The following PPM1G variants were observed in gnomAD, a reference collection of about 807,000 sequenced individuals.
PPM1G encodes protein phosphatase 1G.
Under a neutral mutation model 59.4 loss-of-function variants are expected in PPM1G, and 12 were observed. The observed-to-expected ratio is 0.20, with a 90% CI of 0.13 to 0.33. The LOEUF (loss-of-function observed/expected upper bound fraction) is 0.33, where lower values mean the gene tolerates loss of function less well. PPM1G is among the 10% of genes least tolerant of loss of function. PPM1G has a pLI of 1.00. For missense variants in PPM1G, 392 were observed against 681.3 expected, an observed-to-expected ratio of 0.58 and a Z score of 4.73; for synonymous variants, 245 against 251.9, an observed-to-expected ratio of 0.97 and a Z score of 0.26.
At chr2:27,395,848 A>G (rs1684039389) in intron 1 of PPM1G, among the ~76,000 whole-genome samples, 1 of 151,964 alleles carries the variant, frequency 6.6e-6, no homozygotes, top group African/African-American at 2.4e-5. Context: ...CTCAAAAAAA[A>G]AAAAAAAGAA....
chr2:27,393,414 G>C (rs753379366), intron 1 of PPM1G: 65 of 1,238,664 alleles, frequency 5.2e-5, no homozygotes, highest in Non-Finnish European at 7.0e-5. Flanking sequence ...GTGGCTACGC[G>C]GCGCTGGAGC....
rs368978877 is a variant in PPM1G at position 27,386,161 on chromosome 2, C to A, written c.276+33G>T. 56 of 1,569,212 alleles carry A rather than the reference C, an allele frequency of 3.6e-5. No individual in the cohort carries two copies. The African/African-American group carries it at 7.4e-4, about 21-fold the overall frequency. On this transcript the variant is annotated intron_variant, in intron 3 of 9. Transcript: ENST00000344034. ...CTAGAGAACAAGGGAAAAGCCTACA[C>A]AAGTGAGGAATGGGCGGTGTAAGCA...
chr2:27,392,745 G>GT (rs1200490807), intron 1 of PPM1G: 2 of 1,198,670 alleles, frequency 1.7e-6, no homozygotes, highest in African/African-American at 1.5e-5. Context: ...TGGTGACAAG[G>GT]TAAGTCACCC....
chr2:27,386,966 C>G, intron 2 of PPM1G, 123 bp downstream of exon 2: 1 of 704,866 alleles, frequency 1.4e-6, no homozygotes, highest in Non-Finnish European at 2.5e-6. Context: ...AAAACAGCAC[C>G]ACGCAGGAAA....
In PPM1G at chr2:27,387,562, G is replaced by A. The variant is rs181591539; in HGVS notation, c.121-404C>T. Among the ~76,000 whole-genome samples the A allele has an allele frequency of 1.8e-3, 271 of 151,996 alleles. 2 individuals carry two copies. Among genetic ancestry groups the A allele is most frequent in the African/African-American group, 6.2e-3 (256 of 41,448 alleles). ...GTCACCCAAGCTGGAGTGCAGTGGC[G>A]CGATCTTGGCTCACTGCAACCTCCG... On this transcript the variant is annotated intron_variant, in intron 1 of 9. Coordinates refer to ENST00000344034, the MANE Select transcript of PPM1G (RefSeq NM_177983.3).
rs897249357 is a variant in PPM1G, at chr2:27,385,210, C to G, written c.410-122G>C. 1.7e-6 allele frequency: 2 copies of G among 1,148,156 alleles called. No individual in the cohort carries two copies. Among genetic ancestry groups the G allele is most frequent in the South Asian group, 1.6e-5 (1 of 61,702 alleles). The allele number at this position is 1,148,156 out of a possible 1,614,324, so 71.1% of individuals were successfully genotyped here. A position where few individuals can be genotyped will look rare whatever the true frequency, so the allele number is the denominator to read the frequency against. On this transcript the variant is annotated intron_variant, in intron 4 of 9. Coordinates refer to ENST00000344034, the MANE Select transcript of PPM1G (RefSeq NM_177983.3). The surrounding 1 kb of genome is among the most constrained non-coding windows in gnomAD (Gnocchi z 4.1). ...CCACAACCTCCCACTCCCAAGGTTC[C>G]TCTCGCTCAAGTCTCAGAAGAACAT...
At chr2:27,399,081 A>C (rs908506578) in intron 1 of PPM1G, among the ~76,000 whole-genome samples, 1 of 152,076 alleles carries the variant, frequency 6.6e-6, no homozygotes, top group Admixed American at 6.6e-5. Flanking sequence ...CAGAGGTTGC[A>C]GTGAACCAAG....
chr2:27,397,123 C>T (rs1558320442), intron 1 of PPM1G, among the ~76,000 whole-genome samples: 2 of 152,094 alleles, frequency 1.3e-5, no homozygotes, highest in Non-Finnish European at 2.9e-5. Context: ...CCCGTCTTGG[C>T]CCCCCAAAGT....
At position 27,398,421 on chromosome 2, in the gene PPM1G, T is replaced by C. The variant is rs539912493; in HGVS notation, c.120+10882A>G. On this transcript the variant is annotated intron_variant, in intron 1 of 9. Coordinates refer to ENST00000344034, the MANE Select transcript of PPM1G (RefSeq NM_177983.3). ...CTTAGAAGAAAACCTAAGAGAAAAT[T>C]CTCGTGACTTTGGGTTAGGCAAAGC... Among the ~76,000 whole-genome samples the C allele has an allele frequency of 9.7e-4, 147 of 152,154 alleles. 1 individual carries two copies. The highest frequency in any genetic ancestry group is 3.4e-3 in the African/African-American group (143 of 41,544).
intron 1 of PPM1G, among the ~76,000 whole-genome samples, chr2:27,394,729 G>A (rs1238651417): frequency 1.5e-5 from 2 of 133,294 alleles, no homozygotes; most frequent in Admixed American, 7.9e-5. Context: ...GTGACAGAGT[G>A]AGACTCTGTC....
intron 1 of PPM1G, among the ~76,000 whole-genome samples, chr2:27,405,952 G>A (rs969008264): frequency 3.3e-5 from 5 of 151,996 alleles, no homozygotes; most frequent in Non-Finnish European, 5.9e-5. Context: ...GCAGTGAGCC[G>A]AGATCATGCC....
rs560311715 is a variant in PPM1G, at chr2:27,386,180, G to A, written c.276+14C>T. ...CCTACACAAGTGAGGAATGGGCGGT[G>A]TAAGCAGACAGACCTTCTGTAGCTT... On this transcript the variant is annotated intron_variant, in intron 3 of 9. Coordinates refer to ENST00000344034, the MANE Select transcript of PPM1G (RefSeq NM_177983.3). The A allele has an allele frequency of 2.2e-5, 35 of 1,601,996 alleles. No homozygotes were observed. Among genetic ancestry groups the A allele is most frequent in the Admixed American group, 2.0e-4 (12 of 60,000 alleles).
intron 1 of PPM1G, among the ~76,000 whole-genome samples, chr2:27,398,133 G>C (rs1311782157): frequency 1.3e-5 from 2 of 152,184 alleles, no homozygotes; most frequent in African/African-American, 4.8e-5. Context: ...CAGTAACCAA[G>C]ATAGTGTATT....
chr2:27,389,154 C>G (rs1683837778), intron 1 of PPM1G, among the ~76,000 whole-genome samples: 1 of 152,038 alleles, frequency 6.6e-6, no homozygotes, highest in Non-Finnish European at 1.5e-5. Context: ...TTACAATATC[C>G]ACCACATCCA....
intron 1 of PPM1G, chr2:27,393,357 G>C: frequency 6.3e-7 from 1 of 1,590,310 alleles, no homozygotes; most frequent in Non-Finnish European, 8.5e-7. Flanking sequence ...CGAGGTAGAC[G>C]CGGTCGTCAT....
At chr2:27,391,165 T>C (rs955800342) in intron 1 of PPM1G, among the ~76,000 whole-genome samples, 1 of 152,174 alleles carries the variant, frequency 6.6e-6, no homozygotes, top group Non-Finnish European at 1.5e-5. Context: ...TATGTTCTTT[T>C]GGCAGAATGA....
chr2:27,398,639 T>A (rs1468707925), intron 1 of PPM1G, among the ~76,000 whole-genome samples: 1 of 151,394 alleles, frequency 6.6e-6, no homozygotes, highest in East Asian at 2.0e-4. Flanking sequence ...CTGGCCAACA[T>A]GGTGAAACCC....
In PPM1G at chr2:27,383,834, C is replaced by A; in HGVS notation, c.966+118G>T. ...TCATTCCCCTTGCAGAATAAATCCC[C>A]ATGACTATTACTTCCATCCTAAAGT... On this transcript the variant is annotated intron_variant, in intron 6 of 9. Coordinates refer to ENST00000344034, the MANE Select transcript of PPM1G (RefSeq NM_177983.3). The surrounding 1 kb of genome is among the most constrained non-coding windows in gnomAD (Gnocchi z 5.0). 6.9e-7 allele frequency: 1 copy of A among 1,441,720 alleles called. No individual in the cohort carries two copies. Among genetic ancestry groups the A allele is most frequent in the South Asian group, 1.4e-5 (1 of 71,830 alleles). 89.3% of individuals were successfully genotyped at this position (1,441,720 alleles called of 1,614,324 possible).
rs1452109773 is a variant in PPM1G, at chr2:27,385,102, G to A, written c.410-14C>T. On this transcript the variant is annotated splice_polypyrimidine_tract_variant and intron_variant, in intron 4 of 9. Transcript: ENST00000344034. The surrounding 1 kb of genome is among the most constrained non-coding windows in gnomAD (Gnocchi z 4.1). ...CCTCATTGTCCACTGCAGGGAAGAG[G>A]CTAAATCAGAGCCCCCATGCCAGAC... 6.4e-7 allele frequency: 1 copy of A among 1,569,790 alleles called. No individual in the cohort carries two copies. The highest frequency in any genetic ancestry group is 8.6e-7 in the Non-Finnish European group (1 of 1,160,194).
Sources: gnomAD v4.1 joint callset for allele counts (sites outside exome capture counted in the v4.1 genomes callset) on GRCh38, gnomAD v4.1.1 for gene constraint, Gnocchi (gnomAD v3.1) non-coding constraint, MANE v1.5 for transcripts, NCBI Gene and HGNC (gene_info 2026-07-23, HGNC 2026-07-21) for gene names.